Variants in IL17RA observed in about 807,000 individuals in gnomAD.
IL17RA encodes interleukin 17 receptor A.
In IL17RA, 34 loss-of-function variants were observed where a neutral mutation model predicts 50.4. The observed-to-expected ratio is 0.67, with a 90% CI of 0.51 to 0.90. The LOEUF (loss-of-function observed/expected upper bound fraction) is 0.90. Among genes scored for constraint, IL17RA ranks in the 40% least tolerant of loss-of-function variants. The pLI, the probability that IL17RA is intolerant of heterozygous loss-of-function variation, is 0.00. For synonymous variants in IL17RA, 585 were observed against 510.4 expected, an observed-to-expected ratio of 1.15 and a Z score of -1.97; for missense variants, 1,276 against 1,169.8, an observed-to-expected ratio of 1.09 and a Z score of -1.32.
rs1391765850 is a variant in IL17RA at position 17,114,629 on chromosome 22, A to C, written c.*4809A>C. Reference sequence around the variant, plus strand: ...AGGGATGCGGGTGGCTGGTCCCTGCATTTGCCTGCTTCCCTGCACGGGTGT... The same window carrying C: ...AGGGATGCGGGTGGCTGGTCCCTGCCTTTGCCTGCTTCCCTGCACGGGTGT... On this transcript the variant is annotated 3_prime_UTR_variant, in exon 13 of 13. Coordinates refer to ENST00000319363, the MANE Select transcript of IL17RA (RefSeq NM_014339.7). 6.6e-6 allele frequency: 1 copy of C among 152,294 alleles called. No homozygotes were observed. The highest frequency in any genetic ancestry group is 1.5e-5 in the Non-Finnish European group (1 of 68,158). 9.4% of individuals were successfully genotyped at this position (152,294 alleles called of 1,614,324 possible).
In IL17RA at chr22:17,109,288, C is replaced by T. The variant is rs550421038; in HGVS notation, c.2069C>T (p.Ala690Val). Residue 690 changes from alanine (A) to valine (V), a missense_variant, in exon 13 of 13, where the codon GCC (alanine) becomes GTC (valine). Physicochemically the swap from Ala to Val is moderately conservative, Grantham distance 64 (BLOSUM62 0). Transcript: ENST00000319363. ...AVEPGPLADG[A>V]AVRLALAGEG... is the part of the protein sequence containing the mutation. ...GAGCCTGGGCCCCTGGCTGACGGTGCCGCAGTCCGGCTGGCACTGGCGGGG... is the reference window on the plus strand; with the variant it reads ...GAGCCTGGGCCCCTGGCTGACGGTGTCGCAGTCCGGCTGGCACTGGCGGGG... 2 of 1,522,828 alleles carry T rather than the reference C, an allele frequency of 1.3e-6. No homozygotes were observed. The highest frequency in any genetic ancestry group is 2.4e-5 in the South Asian group (2 of 81,884). The allele number at this position is 1,522,828 out of a possible 1,614,324, so 94.3% of individuals were successfully genotyped here. A position where few individuals can be genotyped will look rare whatever the true frequency, so the allele number is the denominator to read the frequency against.
At position 17,115,554 on chromosome 22, in the gene IL17RA, G is replaced by A. The variant is rs1263424697; in HGVS notation, c.*5734G>A. On this transcript the variant is annotated 3_prime_UTR_variant, in exon 13 of 13. Coordinates refer to ENST00000319363, the MANE Select transcript of IL17RA (RefSeq NM_014339.7). ...GCAAGCTAGGGTCACAACACAGAGA[G>A]GGGCTGTGTAATACTGGCTGCCTCT... 1 of 151,866 alleles carries A rather than the reference G, an allele frequency of 6.6e-6. No homozygotes were observed. The highest frequency in any genetic ancestry group is 1.5e-5 in the Non-Finnish European group (1 of 68,016). The allele number at this position is 151,866 out of a possible 1,614,324, so 9.4% of individuals were successfully genotyped here.
At chr22:17,107,188 G>T (rs946266588) in intron 11 of IL17RA, among the ~76,000 whole-genome samples, 31 of 152,164 alleles carry the variant, frequency 2.0e-4, no homozygotes, top group African/African-American at 7.0e-4. Flanking sequence ...AAGCAGCCTG[G>T]TGGGGCTGCT....
intron 2 of IL17RA, 81 bp from the exon 3 acceptor site, chr22:17,097,716 T>C (rs1421461864): frequency 6.3e-7 from 1 of 1,579,282 alleles, no homozygotes; most frequent in African/African-American, 1.3e-5. Flanking sequence ...CTGTTTGCTG[T>C]CTAGCTGTCT....
chr22:17,094,670 T>TCTCTCTCTCTCTCTCTCC (rs1555873340), intron 1 of IL17RA, among the ~76,000 whole-genome samples: 1 of 48,964 alleles, frequency 2.0e-5, no homozygotes, highest in African/African-American at 9.9e-5. Flanking sequence ...TCTCTCTCTC[T>TCTCTCTCTCTCTCTCTCC]CTCTCTCTCT....
rs150290858 is a variant in IL17RA, at chr22:17,108,589, C to T, written c.1370C>T (p.Ala457Val). 6.2e-6 allele frequency: 10 copies of T among 1,605,046 alleles called. No homozygotes were observed. In the African/African-American group the frequency reaches 9.3e-5, roughly 15 times the overall value. ...CSRGTRAKWQ[A>V]LLGRGAPVRL... ...CGCGGCACGCGCGCCAAGTGGCAGG[C>T]GCTCCTGGGCCGGGGGGCGCCTGTG... The change falls in exon 13 of 13, where the codon GCG (alanine) becomes GTG (valine). Residue 457 changes from alanine to valine, a missense_variant. Transcript: ENST00000319363.
chr22:17,106,927 G>A (rs2061417349), intron 11 of IL17RA, among the ~76,000 whole-genome samples: 1 of 152,156 alleles, frequency 6.6e-6, no homozygotes, highest in South Asian at 2.1e-4. Context: ...TGCACCACAG[G>A]GTGAAGGCAA....
chr22:17,108,881 G>C lies in IL17RA; in HGVS notation c.1662G>C (p.Ser554=), dbSNP rs777001954. Residue 554 remains serine (S), a synonymous_variant, in exon 13 of 13, where the codon TCG becomes TCC. Transcript: ENST00000319363. Reference sequence around the variant, plus strand: ...GCATGCACCGCGTAGGGGAGCTGTCGGGGGACAACTACCTGCGGAGCCCGG... The same window carrying C: ...GCATGCACCGCGTAGGGGAGCTGTCCGGGGACAACTACCTGCGGAGCCCGG... ...PGRMHRVGEL[S]GDNYLRSPGG... 133 of 1,610,552 alleles carry C rather than the reference G, an allele frequency of 8.3e-5. No individual in the cohort carries two copies. The highest frequency in any genetic ancestry group is 1.1e-4 in the Non-Finnish European group (129 of 1,178,822).
At position 17,109,727 on chromosome 22, in the gene IL17RA, G is replaced by A; in HGVS notation, c.2508G>A (p.Leu836=). 1 of 1,577,898 alleles carries A rather than the reference G, an allele frequency of 6.3e-7. No individual in the cohort carries two copies. Among genetic ancestry groups the A allele is most frequent in the Non-Finnish European group, 8.6e-7 (1 of 1,162,588 alleles). The change falls in exon 13 of 13, where the codon CTG becomes CTA. Residue 836 remains leucine (L), a synonymous_variant. Coordinates refer to ENST00000319363, the MANE Select transcript of IL17RA (RefSeq NM_014339.7). ...TCTCTCCCGAGGACCTGGAGAGCCT[G>A]AGGAGCCTCCAGCGGCAGCTGCTTT... The part of the protein sequence containing the change: ...LPLSPEDLES[L]RSLQRQLLFR...
intron 1 of IL17RA, among the ~76,000 whole-genome samples, chr22:17,092,073 A>G (rs1370423024): frequency 2.0e-5 from 3 of 152,106 alleles, no homozygotes; most frequent in Non-Finnish European, 4.4e-5. Context: ...CCCTTTACCC[A>G]TCACATCTGG....
At position 17,109,205 on chromosome 22, in the gene IL17RA, G is replaced by T; in HGVS notation, c.1986G>T (p.Pro662=). The part of the protein sequence containing the change: ...PHLQPRGQPA[P]QPLHTLVLAA... ...TGCAGCCCCGGGGTCAGCCAGCGCC[G>T]CAGCCCCTCCACACCCTGGTGCTCG... Residue 662 remains proline, a synonymous_variant, in exon 13 of 13, where the codon CCG becomes CCT. Transcript: ENST00000319363. 1 of 1,507,202 alleles carries T rather than the reference G, an allele frequency of 6.6e-7. No individual in the cohort carries two copies. The highest frequency in any genetic ancestry group is 8.8e-7 in the Non-Finnish European group (1 of 1,133,150). The allele number at this position is 1,507,202 out of a possible 1,614,324, so 93.4% of individuals were successfully genotyped here. A position where few individuals can be genotyped will look rare whatever the true frequency, so the allele number is the denominator to read the frequency against.
intron 1 of IL17RA, among the ~76,000 whole-genome samples, chr22:17,094,718 TTCAGGG>T (rs2061363038): frequency 8.6e-6 from 1 of 116,272 alleles, no homozygotes; most frequent in South Asian, 2.7e-4. Context: ...TATATATATA[TTCAGGG>T]AGATCTTTTT....
chr22:17,100,213 C>A, intron 4 of IL17RA, 142 bp from the exon 5 acceptor site: 1 of 949,534 alleles, frequency 1.1e-6, no homozygotes, highest in Non-Finnish European at 1.7e-6. Flanking sequence ...ATTTCCCTGA[C>A]CTTGGATTTT....
chr22:17,090,172 G>A (rs1461547163), intron 1 of IL17RA, among the ~76,000 whole-genome samples: 11 of 152,218 alleles, frequency 7.2e-5, no homozygotes, highest in South Asian at 2.1e-4. Flanking sequence ...ACAGGCGCAC[G>A]CCTCCATGCC....
In IL17RA at chr22:17,109,776, G is replaced by A. The variant is rs952667528; in HGVS notation, c.2557G>A (p.Gly853Ser). ...LLFRQLQKNS[G>S]WDTMGSESEG... ...TTTCCGCCAGCTGCAGAAGAACTCG[G>A]GCTGGGACACGATGGGGTCAGAGTC... The change falls in exon 13 of 13, where the codon GGC (glycine) becomes AGC (serine). Residue 853 changes from glycine to serine, a missense_variant. By Grantham distance (56) the Gly-to-Ser change is moderately conservative. Transcript: ENST00000319363. 6 of 1,551,936 alleles carry A rather than the reference G, an allele frequency of 3.9e-6. No individual in the cohort carries two copies. The highest frequency in any genetic ancestry group is 1.2e-5 in the South Asian group (1 of 84,256).
chr22:17,100,613 C>A, intron 5 of IL17RA, 132 bp downstream of exon 5: 2 of 1,160,828 alleles, frequency 1.7e-6, no homozygotes, highest in African/African-American at 1.5e-5. Flanking sequence ...ACCCACAGAA[C>A]AAACAGAGGC....
intron 10 of IL17RA, 85 bp from the exon 11 acceptor site, chr22:17,105,768 C>G: frequency 7.0e-7 from 1 of 1,428,668 alleles, no homozygotes; most frequent in Non-Finnish European, 9.8e-7. Context: ...GAGGACAGAG[C>G]CTGGGGCTGG....
rs972827656 is a variant in IL17RA at position 17,104,644 on chromosome 22, T to G, written c.847-82T>G. The G allele has an allele frequency of 1.2e-5, 15 of 1,259,198 alleles. No homozygotes were observed. The African/African-American group carries it at 2.2e-4, about 19-fold the overall frequency. 78.0% of individuals were successfully genotyped at this position (1,259,198 alleles called of 1,614,324 possible). On this transcript the variant is annotated intron_variant, in intron 8 of 12. Coordinates refer to ENST00000319363, the MANE Select transcript of IL17RA (RefSeq NM_014339.7). ...CGTGGTGTAGCCAGCCAGGATCCCC[T>G]CCTCTCACATTGCCGCTGCTGGCTG...
At position 17,109,382 on chromosome 22, in the gene IL17RA, G is replaced by A; in HGVS notation, c.2163G>A (p.Val721=). The part of the protein sequence containing the change: ...AGRNSVLFLP[V]DPEDSPLGSS... ...GAAATAGCGTCCTCTTCCTCCCCGT[G>A]GACCCCGAGGACTCGCCCCTTGGCA... Residue 721 remains valine (V), a synonymous_variant, in exon 13 of 13, where the codon GTG becomes GTA. Transcript: ENST00000319363. The A allele has an allele frequency of 6.2e-7, 1 of 1,612,230 alleles. No homozygotes were observed. Among genetic ancestry groups the A allele is most frequent in the South Asian group, 1.1e-5 (1 of 90,924 alleles).
Sources: gnomAD v4.1 joint callset for allele counts (sites outside exome capture counted in the v4.1 genomes callset) on GRCh38, gnomAD v4.1.1 for gene constraint, MANE v1.5 for transcripts, NCBI Gene and HGNC (gene_info 2026-07-23, HGNC 2026-07-21) for gene names.